Variants in SIPA1L3 observed in about 807,000 individuals in gnomAD.
SIPA1L3 encodes signal induced proliferation associated 1 like 3.
In SIPA1L3, 59 loss-of-function variants were observed where a neutral mutation model predicts 150.1. The ratio of observed to expected loss-of-function variants is 0.39; its 90% CI spans 0.32 to 0.49. The LOEUF (loss-of-function observed/expected upper bound fraction) is 0.49. SIPA1L3 is among the 20% of genes least tolerant of loss of function. The pLI is 0.86. For synonymous variants in SIPA1L3, 1,070 were observed against 1,077.6 expected (o/e 0.99, Z 0.14); for missense variants, 2,211 against 2,489.5 (o/e 0.89, Z 2.38).
At chr19:38,194,177 A>G (rs189668586) in intron 18 of SIPA1L3, among the ~76,000 whole-genome samples, 119 of 143,606 alleles carry the variant, frequency 8.3e-4, no homozygotes, top group African/African-American at 2.9e-3. Flanking sequence ...TGCTTTCCTG[A>G]CTGCTCCCAT....
chr19:37,974,073 A>G (rs1967015233), intron 1 of SIPA1L3, among the ~76,000 whole-genome samples: 3 of 152,304 alleles, frequency 2.0e-5, no homozygotes, highest in Non-Finnish European at 2.9e-5. Context: ...CTGAAGGGTC[A>G]TGATGCTGAT....
intron 4 of SIPA1L3, among the ~76,000 whole-genome samples, chr19:38,097,748 G>A (rs948247165): frequency 1.3e-5 from 2 of 152,254 alleles, no homozygotes; most frequent in African/African-American, 4.8e-5. Flanking sequence ...GTAGAGACAG[G>A]GTTTCACCCA....
At chr19:38,028,659 G>A (rs1169277884) in intron 1 of SIPA1L3, among the ~76,000 whole-genome samples, 8 of 151,822 alleles carry the variant, frequency 5.3e-5, no homozygotes, top group East Asian at 1.9e-4. Flanking sequence ...TTGTATTCCC[G>A]GAGCCTGGCA....
intron 1 of SIPA1L3, among the ~76,000 whole-genome samples, chr19:37,974,513 C>CA (rs11359136): frequency 1.6e-3 from 210 of 131,516 alleles, no homozygotes; most frequent in Middle Eastern, 3.9e-3. Flanking sequence ...GACCGTGTCT[C>CA]AAAAAAAAAA....
rs1398797980 is a variant in SIPA1L3 at position 38,082,785 on chromosome 19, G to T, written c.1220G>T (p.Cys407Phe). The T allele has an allele frequency of 6.2e-7, 1 of 1,613,328 alleles. No homozygotes were observed. The highest frequency in any genetic ancestry group is 8.5e-7 in the Non-Finnish European group (1 of 1,179,898). ...TTCACCAGCACAGAGGACCTAAACT[G>T]CAAGGAGAACTTGGAGCAGGACCTC... ...PAFTSTEDLN[C>F]KENLEQDLGD... is the part of the protein sequence containing the mutation. The change falls in exon 3 of 22, where the codon TGC becomes TTC. Residue 407 changes from cysteine (C) to phenylalanine (F), a missense_variant. By Grantham distance (205) the Cys-to-Phe change is radical. Coordinates refer to ENST00000222345, the MANE Select transcript of SIPA1L3 (RefSeq NM_015073.3).
At chr19:37,977,120 A>C (rs1476915186) in intron 1 of SIPA1L3, among the ~76,000 whole-genome samples, 6 of 151,504 alleles carry the variant, frequency 4.0e-5, no homozygotes, top group African/African-American at 1.5e-4. Context: ...TACAGGCATG[A>C]GCCACCTCAC....
intron 4 of SIPA1L3, among the ~76,000 whole-genome samples, chr19:38,093,543 C>A (rs1451302473): frequency 6.6e-6 from 1 of 152,146 alleles, no homozygotes; most frequent in East Asian, 1.9e-4. Flanking sequence ...CTGTTGCAGC[C>A]GATGTTCCTT....
At chr19:38,102,296 C>T (rs572004368) in intron 6 of SIPA1L3, among the ~76,000 whole-genome samples, 13 of 151,124 alleles carry the variant, frequency 8.6e-5, no homozygotes, top group East Asian at 2.0e-4. Flanking sequence ...CTGCCCACCT[C>T]GGCCTCCCAA....
At chr19:38,190,398 T>G (rs1972781586) in intron 16 of SIPA1L3, among the ~76,000 whole-genome samples, 1 of 152,198 alleles carries the variant, frequency 6.6e-6, no homozygotes, top group Admixed American at 6.5e-5. Context: ...AGCTTTTAAT[T>G]TGCCCAAAGA....
chr19:37,968,897 T>A (rs1057021029), intron 1 of SIPA1L3, among the ~76,000 whole-genome samples: 2 of 152,202 alleles, frequency 1.3e-5, no homozygotes, highest in Non-Finnish European at 2.9e-5. Flanking sequence ...GGGAAGGTGG[T>A]CGATTGGCTT....
At position 38,083,685 on chromosome 19, in the gene SIPA1L3, C is replaced by T. The variant is rs544277799; in HGVS notation, c.1534+586C>T. Among the ~76,000 whole-genome samples, 5 of 152,254 alleles carry T rather than the reference C, an allele frequency of 3.3e-5. No individual in the cohort carries two copies. In the South Asian group the frequency reaches 8.3e-4, roughly 25 times the overall value. On this transcript the variant is annotated intron_variant, in intron 3 of 21. Coordinates refer to ENST00000222345, the MANE Select transcript of SIPA1L3 (RefSeq NM_015073.3). ...TGCAGACACTGTTCCCAGAACAGAG[C>T]AGCGAATACAAAAGTCTTGGAACTG...
intron 10 of SIPA1L3, among the ~76,000 whole-genome samples, chr19:38,134,768 T>A (rs538683920): frequency 1.4e-5 from 2 of 144,484 alleles, no homozygotes; most frequent in East Asian, 4.1e-4. Flanking sequence ...TAGGAGGCGC[T>A]CGAGAGACAC....
chr19:38,145,727 C>T (rs542706753), intron 12 of SIPA1L3, among the ~76,000 whole-genome samples: 3 of 152,176 alleles, frequency 2.0e-5, no homozygotes, highest in South Asian at 4.2e-4. Flanking sequence ...GTGTCTGTAG[C>T]TCTGTGCAAT....
chr19:37,943,841 G>A (rs1223199316), intron 1 of SIPA1L3, among the ~76,000 whole-genome samples: 3 of 152,148 alleles, frequency 2.0e-5, no homozygotes, highest in African/African-American at 7.2e-5. Context: ...GTCATGTTGA[G>A]TTTGGTGCTG....
intron 10 of SIPA1L3, among the ~76,000 whole-genome samples, chr19:38,140,229 A>T (rs1048016771): frequency 6.6e-6 from 1 of 152,194 alleles, no homozygotes; most frequent in Non-Finnish European, 1.5e-5. Context: ...TTTCATGAGC[A>T]TGGCTCGGGG....
chr19:38,068,635 G>A (rs1049737560), intron 2 of SIPA1L3, among the ~76,000 whole-genome samples: 6 of 152,076 alleles, frequency 3.9e-5, no homozygotes, highest in Non-Finnish European at 8.8e-5. Flanking sequence ...CAAGGCAGGA[G>A]GATCACTTGA....
intron 1 of SIPA1L3, among the ~76,000 whole-genome samples, chr19:37,925,947 G>C (rs1346849283): frequency 6.6e-6 from 1 of 152,128 alleles, no homozygotes; most frequent in East Asian, 1.9e-4. Context: ...AGGAACCAAA[G>C]CAACAAAAAT....
intron 9 of SIPA1L3, 80 bp from the exon 10 acceptor site, chr19:38,130,418 A>G (rs1971277545): frequency 1.6e-5 from 24 of 1,478,428 alleles, no homozygotes; most frequent in Non-Finnish European, 2.2e-5. Flanking sequence ...TTGGCTTCAA[A>G]GCGGGGAACG....
intron 10 of SIPA1L3, among the ~76,000 whole-genome samples, chr19:38,136,775 C>T (rs1239406010): frequency 6.6e-6 from 1 of 152,138 alleles, no homozygotes; most frequent in Non-Finnish European, 1.5e-5. Context: ...TGCTGAGCTC[C>T]TGATAATTTC....
Sources: gnomAD v4.1 joint callset for allele counts (sites outside exome capture counted in the v4.1 genomes callset) on GRCh38, gnomAD v4.1.1 for gene constraint, MANE v1.5 for transcripts, NCBI Gene and HGNC (gene_info 2026-07-23, HGNC 2026-07-21) for gene names.